KIAA0232: variants seen among roughly 807,000 people sequenced by gnomAD.
The protein encoded by KIAA0232 is uncharacterized protein KIAA0232.
KIAA0232 carries 27 observed loss-of-function variants against 122.0 expected under a neutral mutation model. The ratio of observed to expected loss-of-function variants is 0.22; its 90% confidence interval spans 0.16 to 0.31. KIAA0232 has a LOEUF of 0.31. Among genes scored for constraint, KIAA0232 ranks in the 10% least tolerant of loss-of-function variants. The pLI is 1.00. For missense variants in KIAA0232, 1,551 were observed against 1,634.2 expected (o/e 0.95, Z 0.88); for synonymous variants, 613 against 587.6 (o/e 1.04, Z -0.63).
intron 5 of KIAA0232, among the ~76,000 whole-genome samples, chr4:6,857,926 G>A (rs2108786296): frequency 6.6e-6 from 1 of 152,292 alleles, no homozygotes; most frequent in East Asian, 1.9e-4. Flanking sequence ...CAGTATCCTA[G>A]GCTAAACTAA....
Position 6,880,894 on chromosome 4 carries a change from G to T in KIAA0232, c.4116G>T (p.Glu1372Asp), listed in dbSNP as rs780084406. ...MCSSASSTSE[E>D]TGSEGGGEWV... Reference sequence around the variant, plus strand: ...CCAGCGCCAGCTCCACCTCGGAAGAGACAGGCTCAGAAGGCGGAGGCGAGT... The same window carrying T: ...CCAGCGCCAGCTCCACCTCGGAAGATACAGGCTCAGAAGGCGGAGGCGAGT... The change falls in exon 10 of 10, where the codon GAG (glutamate) becomes GAT (aspartate). Residue 1372 changes from glutamate to aspartate, a missense_variant. Physicochemically the swap from Glu to Asp is conservative, Grantham distance 45. This residue lies in a region of KIAA0232 where 1,108 missense variants were observed against 1,154.8 expected (regional missense o/e 0.96). Transcript: ENST00000307659. 6.2e-7 allele frequency: 1 copy of T among 1,608,076 alleles called. No homozygotes were observed. The highest frequency in any genetic ancestry group is 2.2e-5 in the East Asian group (1 of 44,684).
chr4:6,837,824 G>C (rs1437829704), intron 3 of KIAA0232, among the ~76,000 whole-genome samples: 6 of 152,188 alleles, frequency 3.9e-5, no homozygotes, highest in Middle Eastern at 6.8e-3. Context: ...TGAGGCAGGA[G>C]AATCAGGCAG....
intron 4 of KIAA0232, among the ~76,000 whole-genome samples, chr4:6,850,090 A>G (rs1720194496): frequency 6.6e-6 from 1 of 152,256 alleles, no homozygotes; most frequent in African/African-American, 2.4e-5. Flanking sequence ...AAGTGAGAAT[A>G]TGAGAGCAGA....
intron 3 of KIAA0232, among the ~76,000 whole-genome samples, chr4:6,837,074 G>A (rs910879811): frequency 2.0e-5 from 3 of 152,184 alleles, no homozygotes; most frequent in African/African-American, 7.2e-5. Flanking sequence ...CCTCCCAGAC[G>A]GGGTGGCGGC....
rs184589283 is a variant in KIAA0232 at position 6,805,966 on chromosome 4, A to G, written c.-270+1360A>G. On this transcript the variant is annotated intron_variant, in intron 2 of 9. Coordinates refer to ENST00000307659, the MANE Select transcript of KIAA0232 (RefSeq NM_014743.3). ...TAGAATTTCATAATAATTTTGTTTT[A>G]TCTTGTTTTTGCATTTTGTTTAGTT... Among the ~76,000 whole-genome samples the G allele has an allele frequency of 4.0e-3, 614 of 152,014 alleles. 23 individuals are homozygous for G. The highest frequency in any genetic ancestry group is 9.0e-4 in the Non-Finnish European group (61 of 67,970).
intron 4 of KIAA0232, 45 bp from the exon 5 acceptor site, chr4:6,857,119 T>A: frequency 6.8e-7 from 1 of 1,467,138 alleles, no homozygotes; most frequent in East Asian, 2.3e-5. Context: ...ACCTGATTTG[T>A]ACATACCTGG....
At chr4:6,857,576 C>T (rs1203249712) in intron 5 of KIAA0232, among the ~76,000 whole-genome samples, 1 of 152,148 alleles carries the variant, frequency 6.6e-6, no homozygotes, top group Non-Finnish European at 1.5e-5. Context: ...TGTCTCTTTC[C>T]TTTCCCCATC....
intron 4 of KIAA0232, among the ~76,000 whole-genome samples, chr4:6,851,745 G>A (rs1211449682): frequency 2.7e-5 from 4 of 147,492 alleles, no homozygotes; most frequent in South Asian, 2.1e-4. Context: ...AAAAAAAAGC[G>A]GGGAGGGGTT....
Position 6,824,892 on chromosome 4 carries a change from A to G in KIAA0232, c.231+208A>G, listed in dbSNP as rs76772723. On this transcript the variant is annotated intron_variant, in intron 3 of 9. Transcript: ENST00000307659. The stretch of plus-strand genomic sequence containing the variant: ...CCTGTTAAGTGCAGTTATTTTCTCC[A>G]TAGTTAGACTTTCTCACTGTTGGTT... Among the ~76,000 whole-genome samples, 676 of 152,256 alleles carry G rather than the reference A, an allele frequency of 4.4e-3. 7 individuals carry two copies. Among genetic ancestry groups the G allele is most frequent in the African/African-American group, 0.016 (653 of 41,558 alleles).
intron 1 of KIAA0232, among the ~76,000 whole-genome samples, chr4:6,790,410 T>G (rs1716840108): frequency 7.4e-6 from 1 of 134,898 alleles, no homozygotes. Flanking sequence ...TTTTTTTTTT[T>G]TTGAGGCAGA....
At chr4:6,836,865 G>A (rs539987041) in intron 3 of KIAA0232, among the ~76,000 whole-genome samples, 2 of 152,054 alleles carry the variant, frequency 1.3e-5, no homozygotes, top group African/African-American at 4.8e-5. Flanking sequence ...GGGGTTGGGG[G>A]CAAGGTTATA....
intron 3 of KIAA0232, among the ~76,000 whole-genome samples, chr4:6,830,501 G>T (rs1247278802): frequency 1.3e-5 from 2 of 149,890 alleles, no homozygotes; most frequent in Admixed American, 1.3e-4. Context: ...TCTGCCTCCT[G>T]GGTTCAAGTG....
chr4:6,795,510 G>A (rs542432572), intron 1 of KIAA0232, among the ~76,000 whole-genome samples: 1 of 152,308 alleles, frequency 6.6e-6, no homozygotes, highest in East Asian at 1.9e-4. Context: ...TATATTTGGA[G>A]TGATATTATT....
At chr4:6,869,126 T>C (rs1721335230) in intron 7 of KIAA0232, among the ~76,000 whole-genome samples, 1 of 152,132 alleles carries the variant, frequency 6.6e-6, no homozygotes, top group Admixed American at 6.5e-5. Context: ...TCTAAACTCG[T>C]CTTGGTTCAT....
chr4:6,791,636 G>A (rs539703137), intron 1 of KIAA0232, among the ~76,000 whole-genome samples: 5 of 152,038 alleles, frequency 3.3e-5, no homozygotes, highest in Non-Finnish European at 7.4e-5. Context: ...GACTCAAGCC[G>A]ACTTTTTAAC....
intron 1 of KIAA0232, among the ~76,000 whole-genome samples, chr4:6,791,968 G>A (rs181287573): frequency 5.3e-5 from 8 of 152,206 alleles, no homozygotes; most frequent in Admixed American, 3.9e-4. Context: ...AGATTTGATG[G>A]TTTTAAAAAG....
chr4:6,829,532 A>G (rs1290257420), intron 3 of KIAA0232, among the ~76,000 whole-genome samples: 1 of 152,240 alleles, frequency 6.6e-6, no homozygotes, highest in Non-Finnish European at 1.5e-5. Flanking sequence ...AAGGAACATC[A>G]CAGCATGTAA....
At chr4:6,810,256 G>A (rs1483820743) in intron 2 of KIAA0232, among the ~76,000 whole-genome samples, 1 of 152,078 alleles carries the variant, frequency 6.6e-6, no homozygotes, top group Non-Finnish European at 1.5e-5. Flanking sequence ...AGAATAGAGA[G>A]TCCAGAAATT....
intron 4 of KIAA0232, among the ~76,000 whole-genome samples, chr4:6,849,150 GA>G (rs1219737336): frequency 1.3e-5 from 2 of 152,224 alleles, no homozygotes; most frequent in Non-Finnish European, 2.9e-5. Flanking sequence ...GTGCTGGAGG[GA>G]CAGAGGGCAG....
Sources: allele counts gnomAD v4.1 joint callset (sites outside exome capture counted in the v4.1 genomes callset), GRCh38; gene constraint gnomAD v4.1.1; regional missense constraint gnomAD v4.1.1; transcripts MANE v1.5; gene names NCBI Gene and HGNC (gene_info 2026-07-23, HGNC 2026-07-21).